Variants in PSMB2 observed in about 807,000 individuals in gnomAD.
PSMB2 encodes the protein proteasome subunit beta type-2.
A neutral mutation model predicts 25.7 loss-of-function variants in PSMB2; 13 were observed. The ratio of observed to expected loss-of-function variants is 0.51; its 90% CI spans 0.33 to 0.80. The LOEUF (loss-of-function observed/expected upper bound fraction) is 0.80, where lower values mean the gene tolerates loss of function less well. Among genes scored for constraint, PSMB2 ranks in the 30% least tolerant of loss-of-function variants. The probability of loss-of-function intolerance (pLI) is 0.02; values close to 1 mark genes in which losing one functional copy is unlikely to be tolerated. For missense variants in PSMB2, 202 were observed against 259.0 expected, an observed-to-expected ratio of 0.78 and a Z score of 1.51; for synonymous variants, 87 against 96.2, an observed-to-expected ratio of 0.90 and a Z score of 0.56.
At chr1:35,611,862 G>A (rs946290436) in intron 3 of PSMB2, among the ~76,000 whole-genome samples, 2 of 151,698 alleles carry the variant, frequency 1.3e-5, no homozygotes, top group African/African-American at 2.4e-5. Flanking sequence ...AGAGAGATGG[G>A]GTCTCACTAT....
At chr1:35,607,864 C>A (rs1215152074) in intron 4 of PSMB2, among the ~76,000 whole-genome samples, 1 of 152,042 alleles carries the variant, frequency 6.6e-6, no homozygotes, top group East Asian at 1.9e-4. Context: ...TACTATTCAT[C>A]CATAAAAAAG....
chr1:35,636,244 C>A, intron 2 of PSMB2, 66 bp downstream of exon 2: 1 of 1,584,916 alleles, frequency 6.3e-7, no homozygotes, highest in Non-Finnish European at 8.6e-7. Flanking sequence ...GCCACCCAGT[C>A]TGTGACTTTA....
intron 5 of PSMB2, among the ~76,000 whole-genome samples, 200 bp from the exon 6 acceptor site, chr1:35,603,574 G>A (rs1650072156): frequency 6.6e-6 from 1 of 152,162 alleles, no homozygotes; most frequent in South Asian, 2.1e-4. Flanking sequence ...GGATGACTGG[G>A]AGGCAGGGAG....
chr1:35,610,746 G>A (rs1047647609), intron 3 of PSMB2, among the ~76,000 whole-genome samples: 4 of 152,052 alleles, frequency 2.6e-5, no homozygotes, highest in African/African-American at 4.8e-5. Context: ...CGCCCGCCTC[G>A]GCCTCCCAAA....
intron 3 of PSMB2, among the ~76,000 whole-genome samples, chr1:35,624,828 C>A (rs969002653): frequency 2.7e-5 from 4 of 150,860 alleles, no homozygotes; most frequent in Non-Finnish European, 5.9e-5. Context: ...TTTGGGAGGC[C>A]GAGGCGGGTG....
At chr1:35,626,064 C>T (rs1650851037) in intron 3 of PSMB2, among the ~76,000 whole-genome samples, 1 of 152,070 alleles carries the variant, frequency 6.6e-6, no homozygotes, top group African/African-American at 2.4e-5. Flanking sequence ...TCTTGAACTC[C>T]TGGGCTCAAC....
intron 3 of PSMB2, among the ~76,000 whole-genome samples, chr1:35,628,631 A>T (rs12119886): frequency 0.085 from 3,218 of 37,736 alleles, 295 homozygotes; most frequent in African/African-American, 0.2. Flanking sequence ...ATATATATAT[A>T]TTTTTTTTTT....
intron 3 of PSMB2, among the ~76,000 whole-genome samples, chr1:35,613,545 T>C (rs149941402): frequency 2.0e-5 from 3 of 152,264 alleles, no homozygotes; most frequent in African/African-American, 7.2e-5. Context: ...ACTAAACAAA[T>C]GTGAGAAAGC....
intron 3 of PSMB2, among the ~76,000 whole-genome samples, chr1:35,616,378 A>G (rs1571127907): frequency 6.6e-6 from 1 of 152,228 alleles, no homozygotes; most frequent in African/African-American, 2.4e-5. Flanking sequence ...TATATGACCA[A>G]TAACATTTTA....
intron 3 of PSMB2, among the ~76,000 whole-genome samples, chr1:35,613,069 C>T (rs745960634): frequency 1.3e-5 from 2 of 152,210 alleles, no homozygotes; most frequent in Non-Finnish European, 2.9e-5. Context: ...TATTCAGAAG[C>T]TACAACTCCT....
At chr1:35,633,285 T>C (rs1412742165) in intron 2 of PSMB2, among the ~76,000 whole-genome samples, 1 of 151,982 alleles carries the variant, frequency 6.6e-6, no homozygotes, top group African/African-American at 2.4e-5. Flanking sequence ...ATTCTTTACT[T>C]AACCCCCTAA....
chr1:35,628,596 A>AAAAAAATATATAT (rs59538661), intron 3 of PSMB2, among the ~76,000 whole-genome samples: 14 of 25,094 alleles, frequency 5.6e-4, no homozygotes, highest in Non-Finnish European at 8.4e-4. Flanking sequence ...AAAAAAAAAA[A>AAAAAAATATATAT]ATATATATAT....
intron 3 of PSMB2, among the ~76,000 whole-genome samples, chr1:35,617,077 TTTGTTCTG>T (rs2075026949): frequency 1.3e-5 from 2 of 152,208 alleles, no homozygotes; most frequent in South Asian, 4.2e-4. Flanking sequence ...GAGACAGAGT[TTTGTTCTG>T]TTGCCCAGGC....
chr1:35,601,336 A>C lies in PSMB2; in HGVS notation c.*1931T>G. On this transcript the variant is annotated 3_prime_UTR_variant, in exon 6 of 6. Coordinates refer to ENST00000373237, the MANE Select transcript of PSMB2 (RefSeq NM_002794.5). ...TCCGCCCGCCTCGGCGGGCGGCCAA[A>C]GTGCTGGGATTACAGGCATGAGCCA... The C allele has an allele frequency of 2.0e-6, 2 of 978,552 alleles. No individual in the cohort carries two copies. The highest frequency in any genetic ancestry group is 2.4e-6 in the Non-Finnish European group (2 of 823,864). The allele number at this position is 978,552 out of a possible 1,614,324, so 60.6% of individuals were successfully genotyped here.
At chr1:35,635,690 G>A (rs751486554) in intron 2 of PSMB2, among the ~76,000 whole-genome samples, 1 of 151,914 alleles carries the variant, frequency 6.6e-6, no homozygotes, top group Non-Finnish European at 1.5e-5. Flanking sequence ...TTAGCTGGAC[G>A]TGGTGGTGCG....
intron 3 of PSMB2, among the ~76,000 whole-genome samples, chr1:35,610,893 G>T (rs999571117): frequency 6.6e-6 from 1 of 152,194 alleles, no homozygotes; most frequent in Non-Finnish European, 1.5e-5. Context: ...TGGATTTATA[G>T]GTATCCTTTC....
Position 35,631,227 on chromosome 1 carries a change from C to T in PSMB2, c.285+47G>A, listed in dbSNP as rs778425371. ...GTATAATGAGAATATAAAAGAAGCA[C>T]AAAGGATTTTTCTGCTCTATCTAAC... On this transcript the variant is annotated intron_variant, in intron 3 of 5. Coordinates refer to ENST00000373237, the MANE Select transcript of PSMB2 (RefSeq NM_002794.5). 7.5e-5 allele frequency: 118 copies of T among 1,570,084 alleles called. 1 individual carries two copies. The Admixed American group carries it at 1.9e-3, about 25-fold the overall frequency.
chr1:35,633,373 T>C (rs1651156027), intron 2 of PSMB2, among the ~76,000 whole-genome samples: 1 of 152,364 alleles, frequency 6.6e-6, no homozygotes, highest in East Asian at 1.9e-4. Flanking sequence ...TTTCTCTTTC[T>C]TTCCCTTATT....
chr1:35,629,699 A>G (rs540864393), intron 3 of PSMB2, among the ~76,000 whole-genome samples: 1 of 152,200 alleles, frequency 6.6e-6, no homozygotes, highest in East Asian at 1.9e-4. Flanking sequence ...AGTCCCAGCT[A>G]CTTGGGAGGC....
Sources: allele counts gnomAD v4.1 joint callset (sites outside exome capture counted in the v4.1 genomes callset), GRCh38; gene constraint gnomAD v4.1.1; transcripts MANE v1.5; gene names NCBI Gene and HGNC (gene_info 2026-07-23, HGNC 2026-07-21).